The following VPS53 variants were observed in gnomAD, a reference collection of about 807,000 sequenced individuals.
The protein encoded by VPS53 is vacuolar protein sorting-associated protein 53 homolog.
In VPS53, 70 loss-of-function variants were observed where a neutral mutation model predicts 107.0. The observed-to-expected ratio is 0.65, with a 90% CI of 0.54 to 0.80. VPS53 has a LOEUF of 0.80. Ranked by LOEUF, VPS53 falls within the 30% of genes least tolerant of loss-of-function variation. The probability of loss-of-function intolerance (pLI) is 0.00; values close to 1 mark genes in which losing one functional copy is unlikely to be tolerated. For synonymous variants in VPS53, 409 were observed against 393.3 expected (o/e 1.04, Z -0.47); for missense variants, 917 against 1,049.4 (o/e 0.87, Z 1.74).
intron 12 of VPS53, among the ~76,000 whole-genome samples, chr17:593,430 A>G (rs867953116): frequency 1.5e-4 from 23 of 152,340 alleles, no homozygotes; most frequent in Admixed American, 8.5e-4. Flanking sequence ...GCTAATATCC[A>G]GAATCTACAA....
intron 13 of VPS53, among the ~76,000 whole-genome samples, chr17:581,881 A>G (rs1967041250): frequency 6.6e-6 from 1 of 150,778 alleles, no homozygotes; most frequent in East Asian, 2.0e-4. Context: ...ACATTCGCAG[A>G]CAACCTCCCT....
chr17:545,336 C>T (rs893772121), intron 17 of VPS53, among the ~76,000 whole-genome samples: 3 of 152,144 alleles, frequency 2.0e-5, no homozygotes, highest in African/African-American at 4.8e-5. Flanking sequence ...CCCGCGGGCT[C>T]GTATTCCTTC....
chr17:644,278 C>T (rs930455503), intron 7 of VPS53, among the ~76,000 whole-genome samples: 11 of 152,290 alleles, frequency 7.2e-5, no homozygotes, highest in African/African-American at 1.7e-4. Flanking sequence ...GATTTCAGAA[C>T]ACAACTTTTC....
chr17:661,924 A>G, intron 4 of VPS53, 29 bp from the exon 5 acceptor site: 1 of 1,538,052 alleles, frequency 6.5e-7, no homozygotes, highest in Non-Finnish European at 8.8e-7. Context: ...ATGAAAAACA[A>G]AAAGTGGCTA....
intron 17 of VPS53, among the ~76,000 whole-genome samples, chr17:549,635 G>A (rs1438426342): frequency 6.6e-6 from 1 of 152,160 alleles, no homozygotes; most frequent in Non-Finnish European, 1.5e-5. Context: ...TCTTTCGGCA[G>A]CTGCATTCCG....
In VPS53 at chr17:508,750, T is replaced by G. The variant is rs1907750205; in HGVS notation, c.*10378A>C. Reference sequence around the variant, plus strand: ...AAAACAAAACAAAATGGATACTATTTGAAAATTCTTAGCTGGATTAAATCA... The same window carrying G: ...AAAACAAAACAAAATGGATACTATTGGAAAATTCTTAGCTGGATTAAATCA... On this transcript the variant is annotated 3_prime_UTR_variant, in exon 22 of 22. Transcript: ENST00000437048. The G allele has an allele frequency of 6.6e-6, 1 of 152,190 alleles. No homozygotes were observed. Among genetic ancestry groups the G allele is most frequent in the Admixed American group, 6.5e-5 (1 of 15,274 alleles). 9.4% of individuals were successfully genotyped at this position (152,190 alleles called of 1,614,324 possible). A position where few individuals can be genotyped will look rare whatever the true frequency, so the allele number is the denominator to read the frequency against.
chr17:565,700 G>A lies in VPS53; in HGVS notation c.1314-2955C>T, dbSNP rs572731984. ...ACAGCTCCCCTGCTGGCCTACTCCC[G>A]GTCAGTGGGCCTCGCAACGGCTCCC... On this transcript the variant is annotated intron_variant, in intron 13 of 21. Coordinates refer to ENST00000437048, the MANE Select transcript of VPS53 (RefSeq NM_001128159.3). 3.4e-4 allele frequency among the ~76,000 whole-genome samples: 51 copies of A among 151,946 alleles called. 1 individual carries two copies. Among genetic ancestry groups the A allele is most frequent in the African/African-American group, 1.0e-3 (42 of 41,454 alleles).
rs954286249 is a variant in VPS53, at chr17:512,588, T to C, written c.*6540A>G. ...GGCTACAGGGAAGGTTCTTTTCTCA[T>C]TAGGTTGATCCCTTGGCTTCCCTAG... On this transcript the variant is annotated 3_prime_UTR_variant, in exon 22 of 22. Coordinates refer to ENST00000437048, the MANE Select transcript of VPS53 (RefSeq NM_001128159.3). The C allele has an allele frequency of 1.3e-5, 2 of 152,212 alleles. No homozygotes were observed. Among genetic ancestry groups the C allele is most frequent in the East Asian group, 3.9e-4 (2 of 5,192 alleles). The allele number at this position is 152,212 out of a possible 1,614,324, so 9.4% of individuals were successfully genotyped here. A position where few individuals can be genotyped will look rare whatever the true frequency, so the allele number is the denominator to read the frequency against.
At chr17:647,443 C>A (rs1386477392) in intron 7 of VPS53, among the ~76,000 whole-genome samples, 3 of 152,204 alleles carry the variant, frequency 2.0e-5, no homozygotes, top group African/African-American at 7.2e-5. Flanking sequence ...AAATATCTAT[C>A]ATGCAAATGA....
chr17:669,487 G>T (rs570541888), intron 4 of VPS53, among the ~76,000 whole-genome samples: 1 of 151,812 alleles, frequency 6.6e-6, no homozygotes, highest in Non-Finnish European at 1.5e-5. Flanking sequence ...CAGCTACTCC[G>T]GAGGCTGAGG....
Position 589,497 on chromosome 17 carries a change from G to C in VPS53, c.1219-3133C>G, listed in dbSNP as rs974937228. 3.7e-4 allele frequency among the ~76,000 whole-genome samples: 56 copies of C among 152,104 alleles called. 2 individuals carry two copies. The highest frequency in any genetic ancestry group is 1.1e-3 in the Admixed American group (17 of 15,256). On this transcript the variant is annotated intron_variant, in intron 12 of 21. Coordinates refer to ENST00000437048, the MANE Select transcript of VPS53 (RefSeq NM_001128159.3). ...ACTTACAAATTGTTCTAAAGGTCGG[G>C]GGGGAGTGGGGAGGAAATAATAAAG...
At chr17:531,126 G>T (rs985826220) in intron 19 of VPS53, among the ~76,000 whole-genome samples, 2 of 152,204 alleles carry the variant, frequency 1.3e-5, no homozygotes, top group African/African-American at 2.4e-5. Context: ...GAGTGAACAC[G>T]CCTGCAGCTA....
At chr17:647,234 A>G (rs1249877809) in intron 7 of VPS53, among the ~76,000 whole-genome samples, 2 of 152,134 alleles carry the variant, frequency 1.3e-5, no homozygotes, top group Non-Finnish European at 2.9e-5. Flanking sequence ...GCTTCAGCCT[A>G]TCAATTCCTC....
At chr17:584,854 G>T (rs1228791969) in intron 13 of VPS53, among the ~76,000 whole-genome samples, 2 of 152,188 alleles carry the variant, frequency 1.3e-5, no homozygotes, top group African/African-American at 2.4e-5. Context: ...GTATTATATA[G>T]ATGATCCATA....
chr17:690,618 G>T (rs1037841105), intron 4 of VPS53, among the ~76,000 whole-genome samples: 2 of 152,208 alleles, frequency 1.3e-5, no homozygotes, highest in Non-Finnish European at 2.9e-5. Flanking sequence ...ATCTGTTTGC[G>T]ACTCTTGACC....
rs1212026226 is a variant in VPS53 at position 519,376 on chromosome 17, A to T, written c.2329-78T>A. The T allele has an allele frequency of 7.3e-7, 1 of 1,376,916 alleles. No homozygotes were observed. Among genetic ancestry groups the T allele is most frequent in the Non-Finnish European group, 9.5e-7 (1 of 1,048,460 alleles). 85.3% of individuals were successfully genotyped at this position (1,376,916 alleles called of 1,614,324 possible). A position where few individuals can be genotyped will look rare whatever the true frequency, so the allele number is the denominator to read the frequency against. On this transcript the variant is annotated intron_variant, in intron 21 of 21. Transcript: ENST00000437048. The surrounding 1 kb of genome is among the most constrained non-coding windows in gnomAD (Gnocchi z 5.0). ...ACGGGGGACAGCGCAGTATCTGGATATGGGGTCAGCAGAGGCTCTGGAGAC... is the reference window on the plus strand; with the variant it reads ...ACGGGGGACAGCGCAGTATCTGGATTTGGGGTCAGCAGAGGCTCTGGAGAC...
Position 676,941 on chromosome 17 carries a change from T to C in VPS53, c.286-15046A>G, listed in dbSNP as rs192998296. 9.4e-4 allele frequency among the ~76,000 whole-genome samples: 143 copies of C among 152,004 alleles called. 2 individuals are homozygous for C. The highest frequency in any genetic ancestry group is 3.4e-3 in the African/African-American group (140 of 41,470). On this transcript the variant is annotated intron_variant, in intron 4 of 21. Transcript: ENST00000437048. ...ATCAGAAACATGTTGTCTATATTAATTAAATGAAGACAAAACAGAACGCTT... is the reference window on the plus strand; with the variant it reads ...ATCAGAAACATGTTGTCTATATTAACTAAATGAAGACAAAACAGAACGCTT...
chr17:612,119 C>G (rs933268712), intron 11 of VPS53, among the ~76,000 whole-genome samples: 2 of 151,832 alleles, frequency 1.3e-5, no homozygotes, highest in African/African-American at 4.8e-5. Context: ...CAGATACTCA[C>G]AGCAGTATTC....
At position 710,538 on chromosome 17, in the gene VPS53, C is replaced by T. The variant is rs150204494; in HGVS notation, c.163G>A (p.Glu55Lys). The T allele has an allele frequency of 6.8e-6, 11 of 1,613,128 alleles. No individual in the cohort carries two copies. The highest frequency in any genetic ancestry group is 1.7e-5 in the Admixed American group (1 of 59,916). ...AAACCTGAAACTCTACTTACTTGCT[C>T]GGTTGGGAACAGGGTATTGATATAC... ...VEYINTLFPT[E>K]QSLANIDEVV... Residue 55 changes from glutamate to lysine, a missense_variant, in exon 2 of 22, where the codon GAG (glutamate) becomes AAG (lysine). Transcript: ENST00000437048.
Sources: gnomAD v4.1 joint callset for allele counts (sites outside exome capture counted in the v4.1 genomes callset) on GRCh38, gnomAD v4.1.1 for gene constraint, Gnocchi (gnomAD v3.1) non-coding constraint, MANE v1.5 for transcripts, NCBI Gene and HGNC (gene_info 2026-07-23, HGNC 2026-07-21) for gene names.